WWOX: variants seen among roughly 807,000 people sequenced by gnomAD.
WWOX encodes WW domain-containing oxidoreductase.
WWOX carries 69 observed loss-of-function variants against 46.2 expected under a neutral mutation model. The ratio of observed to expected loss-of-function variants is 1.49; its 90% CI spans 1.23 to 1.82. The LOEUF is 1.82. Among genes scored for constraint, WWOX ranks in the 40% most tolerant of loss-of-function variants. The pLI is 0.00. For missense variants in WWOX, 919 were observed against 542.6 expected (o/e 1.69, Z -6.89); for synonymous variants, 359 against 202.6 (o/e 1.77, Z -6.56).
chr16:78,675,352 A>G (rs1002803498), intron 8 of WWOX, among the ~76,000 whole-genome samples: 1 of 152,232 alleles, frequency 6.6e-6, no homozygotes, highest in Non-Finnish European at 1.5e-5. Flanking sequence ...AAAACTGTTC[A>G]TATCGTTCAT....
intron 8 of WWOX, among the ~76,000 whole-genome samples, chr16:78,985,983 T>C (rs1035714050): frequency 4.9e-4 from 75 of 152,262 alleles, no homozygotes; most frequent in African/African-American, 1.5e-3. Flanking sequence ...GAGCCAACAA[T>C]GCACTGTGCT....
rs146074357 is a variant in WWOX, at chr16:78,643,174, A to G, written c.1056+210422A>G. Among the ~76,000 whole-genome samples, 35 of 152,306 alleles carry G rather than the reference A, an allele frequency of 2.3e-4. 2 individuals are homozygous for G. Among genetic ancestry groups the G allele is most frequent in the African/African-American group, 7.2e-4 (30 of 41,562 alleles). Reference sequence around the variant, plus strand: ...GGATCCGACAGCTCTGGAACTTGTAATATTTGCAGCATGTCTTGCCCTCTT... The same window carrying G: ...GGATCCGACAGCTCTGGAACTTGTAGTATTTGCAGCATGTCTTGCCCTCTT... On this transcript the variant is annotated intron_variant, in intron 8 of 8. Coordinates refer to ENST00000566780, the MANE Select transcript of WWOX (RefSeq NM_016373.4).
chr16:78,877,937 C>A (rs1007469259), intron 8 of WWOX, among the ~76,000 whole-genome samples: 1 of 152,184 alleles, frequency 6.6e-6, no homozygotes, highest in South Asian at 2.1e-4. Flanking sequence ...GGATTGGAAA[C>A]CAGGTCTGTT....
chr16:79,027,737 GTCTC>G (rs58421987), intron 8 of WWOX, among the ~76,000 whole-genome samples: 2 of 151,614 alleles, frequency 1.3e-5, no homozygotes, highest in Non-Finnish European at 2.9e-5. Flanking sequence ...TATACAGAAT[GTCTC>G]TTTTTTGATT....
intron 8 of WWOX, among the ~76,000 whole-genome samples, chr16:78,518,320 C>T (rs867748789): frequency 1.6e-4 from 25 of 152,148 alleles, no homozygotes; most frequent in African/African-American, 6.0e-4. Context: ...CAGCCTCCGC[C>T]TCCTGGGATC....
intron 8 of WWOX, among the ~76,000 whole-genome samples, chr16:78,455,711 A>G (rs115637051): frequency 0.011 from 1,677 of 151,370 alleles, 41 homozygotes; most frequent in African/African-American, 0.039. Flanking sequence ...TTCAAAATTT[A>G]AATCAAGACA....
intron 8 of WWOX, among the ~76,000 whole-genome samples, chr16:78,908,397 A>AG (rs1249382015): frequency 6.6e-6 from 1 of 152,032 alleles, no homozygotes; most frequent in African/African-American, 2.4e-5. Flanking sequence ...AATATTAGCC[A>AG]GGCGTAGTGG....
At chr16:78,313,470 A>G (rs147924125) in intron 5 of WWOX, among the ~76,000 whole-genome samples, 252 of 152,292 alleles carry the variant, frequency 1.7e-3, no homozygotes, top group African/African-American at 5.6e-3. Context: ...GTTTAAAGCA[A>G]TTCTCCTGCC....
chr16:78,156,574 G>A (rs534274935), intron 4 of WWOX, among the ~76,000 whole-genome samples: 2 of 152,170 alleles, frequency 1.3e-5, no homozygotes, highest in African/African-American at 2.4e-5. Flanking sequence ...CTAGTCTGGC[G>A]AAATACGGAG....
intron 4 of WWOX, among the ~76,000 whole-genome samples, chr16:78,161,239 A>T (rs538494339): frequency 1.1e-3 from 161 of 152,186 alleles, no homozygotes; most frequent in Non-Finnish European, 1.3e-4. Context: ...CAGTCTGACA[A>T]ACTTTTTCTT....
At chr16:78,314,712 T>TTG (rs2080325472) in intron 5 of WWOX, among the ~76,000 whole-genome samples, 1 of 138,494 alleles carries the variant, frequency 7.2e-6, no homozygotes, top group African/African-American at 3.0e-5. Flanking sequence ...TTTTTTTTTT[T>TTG]TTTTTTTTTC....
chr16:79,039,135 T>C (rs540707547), intron 8 of WWOX, among the ~76,000 whole-genome samples: 60 of 152,290 alleles, frequency 3.9e-4, no homozygotes, highest in African/African-American at 1.3e-3. Flanking sequence ...TCTGACTGTT[T>C]TATTGTAGCT....
intron 8 of WWOX, among the ~76,000 whole-genome samples, chr16:78,908,788 T>G (rs887545616): frequency 6.6e-6 from 1 of 152,286 alleles, no homozygotes; most frequent in Non-Finnish European, 1.5e-5. Context: ...AGTCAATTTA[T>G]TGACCTGGGT....
intron 8 of WWOX, among the ~76,000 whole-genome samples, chr16:78,988,549 G>A (rs1424680259): frequency 6.6e-6 from 1 of 151,944 alleles, no homozygotes; most frequent in African/African-American, 2.4e-5. Context: ...CTCTCCCCAG[G>A]AGAGGTCCCA....
rs1395219815 is a variant in WWOX at position 78,238,002 on chromosome 16, T to C, written c.516+73713T>C. On this transcript the variant is annotated intron_variant, in intron 5 of 8. Coordinates refer to ENST00000566780, the MANE Select transcript of WWOX (RefSeq NM_016373.4). Reference sequence around the variant, plus strand: ...CTTGAGGGAAGCCTGGTTTACAAAATAGATTAAGTGATGTGGCTGTTTGGA... The same window carrying C: ...CTTGAGGGAAGCCTGGTTTACAAAACAGATTAAGTGATGTGGCTGTTTGGA... The C allele has an allele frequency of 2.0e-5, 3 of 152,154 alleles. No homozygotes were observed. In the East Asian group the frequency reaches 5.8e-4, roughly 29 times the overall value. 9.4% of individuals were successfully genotyped at this position (152,154 alleles called of 1,614,324 possible). A position where few individuals can be genotyped will look rare whatever the true frequency, so the allele number is the denominator to read the frequency against.
intron 5 of WWOX, among the ~76,000 whole-genome samples, chr16:78,209,293 C>G (rs188625421): frequency 1.9e-4 from 29 of 152,258 alleles, no homozygotes; most frequent in African/African-American, 6.7e-4. Context: ...ATGATTTGAT[C>G]AGAAAGGGAA....
intron 8 of WWOX, chr16:78,996,490 T>G: frequency 5.0e-6 from 1 of 201,800 alleles, no homozygotes; most frequent in Non-Finnish European, 8.8e-6. Context: ...GCATTCATAA[T>G]GATCAGCTTC....
intron 5 of WWOX, among the ~76,000 whole-genome samples, chr16:78,288,798 T>C (rs1325866560): frequency 1.3e-5 from 2 of 152,134 alleles, no homozygotes; most frequent in South Asian, 4.1e-4. Context: ...ATTGCTCAGA[T>C]AGAGTCATTT....
At position 78,413,176 on chromosome 16, in the gene WWOX, C is replaced by G. The variant is rs113527169; in HGVS notation, c.606-11694C>G. 7.2e-3 allele frequency among the ~76,000 whole-genome samples: 1,101 copies of G among 152,246 alleles called. 20 individuals are homozygous for G. In the East Asian group the frequency reaches 0.099, roughly 14 times the overall value. On this transcript the variant is annotated intron_variant, in intron 6 of 8. Transcript: ENST00000566780. ...AGCTGTATGGGAAACCAGAGTTGTACTACTCAAATCAATCTCCCCGAGAAT... is the reference window on the plus strand; with the variant it reads ...AGCTGTATGGGAAACCAGAGTTGTAGTACTCAAATCAATCTCCCCGAGAAT...
Sources: allele counts gnomAD v4.1 joint callset (sites outside exome capture counted in the v4.1 genomes callset), GRCh38; gene constraint gnomAD v4.1.1; transcripts MANE v1.5; gene names NCBI Gene and HGNC (gene_info 2026-07-23, HGNC 2026-07-21).